NELL1: variants seen among roughly 807,000 people sequenced by gnomAD.
NELL1 encodes protein kinase C-binding protein NELL1.
NELL1 carries 76 observed loss-of-function variants against 107.4 expected under a neutral mutation model. The observed-to-expected ratio is 0.71, with a 90% CI of 0.59 to 0.86. The LOEUF is 0.86. Ranked by LOEUF, NELL1 falls within the 40% of genes least tolerant of loss-of-function variation. NELL1 has a pLI of 0.00. For missense variants in NELL1, 1,024 were observed against 1,005.5 expected (o/e 1.02, Z -0.25); for synonymous variants, 353 against 341.2 (o/e 1.03, Z -0.38).
chr11:21,567,449 TAC>T (rs1024110339), intron 17 of NELL1, among the ~76,000 whole-genome samples: 8 of 121,156 alleles, frequency 6.6e-5, no homozygotes, highest in African/African-American at 2.2e-4. Context: ...GCTCTCTATA[TAC>T]ACATGTTTGC....
intron 12 of NELL1, among the ~76,000 whole-genome samples, chr11:21,020,238 T>C (rs1024897938): frequency 1.3e-5 from 2 of 152,158 alleles, no homozygotes; most frequent in Non-Finnish European, 2.9e-5. Flanking sequence ...TTCAGAACAA[T>C]AGCATACCAA....
chr11:20,876,867 C>G (rs1292009519), intron 4 of NELL1, among the ~76,000 whole-genome samples: 2 of 152,224 alleles, frequency 1.3e-5, no homozygotes, highest in African/African-American at 4.8e-5. Context: ...TGAGGACCTG[C>G]TCTGAAGAGT....
chr11:21,004,682 T>C (rs1167883369), intron 12 of NELL1, among the ~76,000 whole-genome samples: 3 of 152,086 alleles, frequency 2.0e-5, no homozygotes, highest in Admixed American at 1.3e-4. Context: ...TAATGTATAG[T>C]GCTAAGATTA....
At chr11:20,881,491 G>C (rs1473610279) in intron 4 of NELL1, among the ~76,000 whole-genome samples, 4 of 152,130 alleles carry the variant, frequency 2.6e-5, no homozygotes, top group Non-Finnish European at 4.4e-5. Context: ...CGAGTTATTT[G>C]ACCTTGCTAA....
intron 2 of NELL1, among the ~76,000 whole-genome samples, chr11:20,762,438 T>C (rs545492938): frequency 6.7e-4 from 102 of 152,318 alleles, no homozygotes; most frequent in African/African-American, 2.4e-3. Context: ...GTGGTGTGCC[T>C]GGATGAAATA....
chr11:21,560,618 C>T (rs546055504), intron 17 of NELL1, among the ~76,000 whole-genome samples: 4 of 152,116 alleles, frequency 2.6e-5, no homozygotes, highest in Non-Finnish European at 2.9e-5. Context: ...GCAGGGAAGG[C>T]GAAGCAGGGT....
intron 15 of NELL1, among the ~76,000 whole-genome samples, chr11:21,528,839 C>G (rs534880693): frequency 1.3e-5 from 2 of 152,032 alleles, no homozygotes; most frequent in South Asian, 2.1e-4. Flanking sequence ...TATCTTGACT[C>G]TTGACTTTTA....
At chr11:21,526,319 C>A (rs1855853622) in intron 15 of NELL1, among the ~76,000 whole-genome samples, 1 of 152,236 alleles carries the variant, frequency 6.6e-6, no homozygotes, top group South Asian at 2.1e-4. Flanking sequence ...TTGGACAACT[C>A]CGCCACTGTG....
At chr11:20,933,970 C>A (rs1850670885) in intron 9 of NELL1, among the ~76,000 whole-genome samples, 1 of 152,154 alleles carries the variant, frequency 6.6e-6, no homozygotes, top group Non-Finnish European at 1.5e-5. Flanking sequence ...GTTTGCATGT[C>A]ACCAGTGTGA....
At chr11:20,967,489 C>CT (rs1851410577) in intron 12 of NELL1, among the ~76,000 whole-genome samples, 1 of 152,100 alleles carries the variant, frequency 6.6e-6, no homozygotes, top group African/African-American at 2.4e-5. Context: ...GAATCAGGTA[C>CT]TTTTCTCCCA....
rs1346690 is a variant in NELL1 at position 20,849,697 on chromosome 11, G to C, written c.506+1944G>C. ...TGAAGTTGCTGCTAGTTAATGATTC[G>C]TAGACTCTAAACACAAATACATTTT... On this transcript the variant is annotated intron_variant, in intron 4 of 19. Transcript: ENST00000357134. Among the ~76,000 whole-genome samples, 3 of 152,040 alleles carry C rather than the reference G, an allele frequency of 2.0e-5. No individual in the cohort carries two copies. In the East Asian group the frequency reaches 5.8e-4, roughly 29 times the overall value.
At chr11:20,832,769 A>C (rs535845853) in intron 3 of NELL1, among the ~76,000 whole-genome samples, 19 of 152,304 alleles carry the variant, frequency 1.2e-4, no homozygotes, top group African/African-American at 4.3e-4. Flanking sequence ...GCTAGTTATG[A>C]TAAGTACTTT....
intron 15 of NELL1, among the ~76,000 whole-genome samples, chr11:21,380,338 T>G (rs528383128): frequency 6.6e-6 from 1 of 152,084 alleles, no homozygotes. Flanking sequence ...TTTAAAATTC[T>G]ATTAAAGTCA....
At chr11:20,819,877 G>T (rs1009219220) in intron 3 of NELL1, among the ~76,000 whole-genome samples, 1 of 152,200 alleles carries the variant, frequency 6.6e-6, no homozygotes, top group Non-Finnish European at 1.5e-5. Flanking sequence ...GGACTCTGGG[G>T]ACATAAAGCA....
At chr11:20,936,440 C>G (rs914694611) in intron 9 of NELL1, among the ~76,000 whole-genome samples, 1 of 152,170 alleles carries the variant, frequency 6.6e-6, no homozygotes, top group Non-Finnish European at 1.5e-5. Flanking sequence ...TGTCCCTGGA[C>G]TTTCTTCTTC....
At chr11:21,121,841 A>G (rs1294082615) in intron 13 of NELL1, among the ~76,000 whole-genome samples, 1 of 152,198 alleles carries the variant, frequency 6.6e-6, no homozygotes, top group Non-Finnish European at 1.5e-5. Context: ...AAATTCATCG[A>G]AAGTTTGTTT....
chr11:21,372,119 A>T (rs1851370078), intron 15 of NELL1, among the ~76,000 whole-genome samples: 1 of 151,686 alleles, frequency 6.6e-6, no homozygotes, highest in African/African-American at 2.4e-5. Context: ...GTTTTTTCTT[A>T]AAAAAAACAT....
chr11:21,500,211 C>T (rs1045041733), intron 15 of NELL1, among the ~76,000 whole-genome samples: 4 of 152,054 alleles, frequency 2.6e-5, no homozygotes, highest in Admixed American at 2.6e-4. Context: ...AGTTCACTAG[C>T]TTGATTATCT....
chr11:21,088,477 T>C lies in NELL1; in HGVS notation c.1301-25112T>C, dbSNP rs370193216. On this transcript the variant is annotated intron_variant, in intron 12 of 19. Coordinates refer to ENST00000357134, the MANE Select transcript of NELL1 (RefSeq NM_006157.5). ...CCTGCCTTTGGCTCCAAAACCCATA[T>C]ATGTCCTTTCTATCACCACATTTGG... Among the ~76,000 whole-genome samples the C allele has an allele frequency of 2.0e-5, 3 of 152,218 alleles. No homozygotes were observed. The East Asian group carries it at 5.8e-4, about 29-fold the overall frequency.
Sources: gnomAD v4.1 joint callset for allele counts (sites outside exome capture counted in the v4.1 genomes callset) on GRCh38, gnomAD v4.1.1 for gene constraint, MANE v1.5 for transcripts, NCBI Gene and HGNC (gene_info 2026-07-23, HGNC 2026-07-21) for gene names.